Variants in RBM19 observed in about 807,000 individuals in gnomAD.
RBM19 encodes the protein probable RNA-binding protein 19.
A neutral mutation model predicts 116.8 loss-of-function variants in RBM19; 94 were observed. The observed-to-expected ratio is 0.80, with a 90% CI of 0.68 to 0.95. The LOEUF is 0.95. Among genes scored for constraint, RBM19 ranks in the 40% least tolerant of loss-of-function variants. The probability of loss-of-function intolerance (pLI) is 0.00; values close to 1 mark genes in which losing one functional copy is unlikely to be tolerated. For missense variants in RBM19, 1,161 were observed against 1,220.7 expected, an observed-to-expected ratio of 0.95 and a Z score of 0.73; for synonymous variants, 475 against 494.1, an observed-to-expected ratio of 0.96 and a Z score of 0.51.
At chr12:113,852,071 T>C (rs1220744436) in intron 22 of RBM19, among the ~76,000 whole-genome samples, 2 of 151,926 alleles carry the variant, frequency 1.3e-5, no homozygotes, top group Non-Finnish European at 2.9e-5. Flanking sequence ...ATTATTTTAA[T>C]GCTGTTAAAA....
intron 22 of RBM19, 58 bp downstream of exon 22, chr12:113,858,733 A>G: frequency 6.5e-7 from 1 of 1,533,954 alleles, no homozygotes; most frequent in Non-Finnish European, 9.0e-7. Flanking sequence ...TGTCTCTCCT[A>G]CAATGGGTAC....
intron 21 of RBM19, among the ~76,000 whole-genome samples, chr12:113,881,372 G>C (rs1294792567): frequency 6.6e-6 from 1 of 152,156 alleles, no homozygotes; most frequent in Non-Finnish European, 1.5e-5. Context: ...AATAATCTAA[G>C]TTTCCGTAGC....
chr12:113,842,567 G>C (rs1417858997), intron 23 of RBM19, among the ~76,000 whole-genome samples: 1 of 152,240 alleles, frequency 6.6e-6, no homozygotes, highest in African/African-American at 2.4e-5. Context: ...TGGGCACGGG[G>C]GACCCAGGGA....
intron 16 of RBM19, among the ~76,000 whole-genome samples, chr12:113,933,188 A>T (rs1017519661): frequency 2.8e-5 from 4 of 143,818 alleles, no homozygotes; most frequent in African/African-American, 7.7e-5. Context: ...GGGGTAAAAT[A>T]AAAAAAAAAA....
In RBM19 at chr12:113,861,779, G is replaced by C. The variant is rs78234650; in HGVS notation, c.2559-2883C>G. 1.7e-3 allele frequency among the ~76,000 whole-genome samples: 256 copies of C among 152,272 alleles called. 2 individuals are homozygous for C. The East Asian group carries it at 0.046, about 27-fold the overall frequency. On this transcript the variant is annotated intron_variant, in intron 21 of 23. Transcript: ENST00000261741. ...AAAAGTGGCATTTGAGAGTTCAGCA[G>C]GGAAAGCTGGGACAGAAGGGCACCC...
chr12:113,882,692 C>T (rs993525341), intron 21 of RBM19, among the ~76,000 whole-genome samples: 1 of 152,234 alleles, frequency 6.6e-6, no homozygotes, highest in Non-Finnish European at 1.5e-5. Context: ...CTCCAAGGAG[C>T]GGCTTGGGGT....
intron 23 of RBM19, among the ~76,000 whole-genome samples, chr12:113,824,803 T>C (rs1874719114): frequency 6.6e-6 from 1 of 152,062 alleles, no homozygotes; most frequent in Non-Finnish European, 1.5e-5. Flanking sequence ...CCGTTTCTCA[T>C]CATCTCCACG....
chr12:113,915,082 T>C lies in RBM19; in HGVS notation c.2445A>G (p.Pro815=), dbSNP rs1289599695. ...GTTTCTTCCGAGCCAATGTCACGGC[T>C]GGCCTGGAGTGGTGGGGGGAGAGGG... ...EVRISERATK[P]AVTLARKKQV... is the part of the protein sequence containing the mutation. Residue 815 remains proline, a synonymous_variant, in exon 21 of 24, where the codon CCA becomes CCG. Coordinates refer to ENST00000261741, the MANE Select transcript of RBM19 (RefSeq NM_016196.4). The C allele has an allele frequency of 4.3e-6, 7 of 1,613,690 alleles. No individual in the cohort carries two copies. Among genetic ancestry groups the C allele is most frequent in the Non-Finnish European group, 5.9e-6 (7 of 1,179,702 alleles).
At chr12:113,858,608 C>T (rs1878112109) in intron 22 of RBM19, among the ~76,000 whole-genome samples, 183 bp downstream of exon 22, 1 of 152,164 alleles carries the variant, frequency 6.6e-6, no homozygotes, top group Non-Finnish European at 1.5e-5. Context: ...CCCCTTCCTC[C>T]AAATACAAAC....
intron 19 of RBM19, among the ~76,000 whole-genome samples, chr12:113,920,373 C>G (rs145705638): frequency 6.6e-6 from 1 of 152,244 alleles, no homozygotes; most frequent in Non-Finnish European, 1.5e-5. Context: ...CCCTGGCTCA[C>G]GTCAGGCCCT....
chr12:113,843,160 TC>T (rs748158997), intron 23 of RBM19, among the ~76,000 whole-genome samples: 5 of 152,118 alleles, frequency 3.3e-5, no homozygotes, highest in Non-Finnish European at 1.5e-5. Flanking sequence ...GAGAAACTGT[TC>T]CCAAGGTGCT....
At chr12:113,831,348 C>T (rs753799991) in intron 23 of RBM19, among the ~76,000 whole-genome samples, 7 of 152,232 alleles carry the variant, frequency 4.6e-5, no homozygotes, top group Non-Finnish European at 7.3e-5. Context: ...GTGTGTTTTC[C>T]TTGGGTTTCT....
intron 21 of RBM19, among the ~76,000 whole-genome samples, chr12:113,891,169 G>A (rs1386538924): frequency 2.0e-5 from 3 of 152,116 alleles, no homozygotes; most frequent in Non-Finnish European, 4.4e-5. Flanking sequence ...AGGAAGGGCT[G>A]CATCAGGATC....
chr12:113,920,501 G>A (rs985517138), intron 19 of RBM19, 110 bp downstream of exon 19: 65 of 1,003,276 alleles, frequency 6.5e-5, no homozygotes, highest in Admixed American at 4.9e-4. Context: ...CAATGGGCCC[G>A]GTCAAGTGTA....
At chr12:113,942,573 G>A in intron 13 of RBM19, 139 bp from the exon 14 acceptor site, 1 of 608,220 alleles carries the variant, frequency 1.6e-6, no homozygotes, top group South Asian at 2.0e-5. Context: ...ACATTGATCA[G>A]ATGCCCCCAA....
chr12:113,940,743 A>C (rs148081942), intron 14 of RBM19, among the ~76,000 whole-genome samples: 1 of 152,258 alleles, frequency 6.6e-6, no homozygotes, highest in African/African-American at 2.4e-5. Context: ...TTCTCACCAG[A>C]GTTTTCTGCA....
chr12:113,959,149 C>T, intron 5 of RBM19, 63 bp downstream of exon 5: 1 of 1,543,856 alleles, frequency 6.5e-7, no homozygotes, highest in Non-Finnish European at 8.8e-7. Flanking sequence ...GCCCCCAGTG[C>T]CGGTTAGCCC....
At chr12:113,924,851 G>T in intron 17 of RBM19, 94 bp from the exon 18 acceptor site, 2 of 1,033,126 alleles carry the variant, frequency 1.9e-6, no homozygotes, top group Non-Finnish European at 3.1e-6. Flanking sequence ...TTTGCCATAT[G>T]GACACCTTGG....
chr12:113,830,124 T>C lies in RBM19; in HGVS notation c.2786-6803A>G, dbSNP rs567904825. Reference sequence around the variant, plus strand: ...TGGCTCCAGCCTTACTGGCACAGCATAGCAAAGCCTGCCCCGCAGAGGGGG... The same window carrying C: ...TGGCTCCAGCCTTACTGGCACAGCACAGCAAAGCCTGCCCCGCAGAGGGGG... On this transcript the variant is annotated intron_variant, in intron 23 of 23. Transcript: ENST00000261741. 1.1e-3 allele frequency among the ~76,000 whole-genome samples: 172 copies of C among 152,284 alleles called. 5 individuals are homozygous for C. The South Asian group carries it at 0.034, about 30-fold the overall frequency.
Sources: allele counts gnomAD v4.1 joint callset (sites outside exome capture counted in the v4.1 genomes callset), GRCh38; gene constraint gnomAD v4.1.1; transcripts MANE v1.5; gene names NCBI Gene and HGNC (gene_info 2026-07-23, HGNC 2026-07-21).